The following GNB5 variants were observed in gnomAD, a reference collection of about 807,000 sequenced individuals.
GNB5 encodes the protein guanine nucleotide-binding protein subunit beta-5.
GNB5 carries 37 observed loss-of-function variants against 55.3 expected under a neutral mutation model. That is an observed-to-expected ratio of 0.67 (90% CI 0.51 to 0.88). The LOEUF is 0.88. GNB5 is among the 40% of genes least tolerant of loss of function. The probability of loss-of-function intolerance (pLI) is 0.00; values close to 1 mark genes in which losing one functional copy is unlikely to be tolerated. For missense variants in GNB5, 476 were observed against 515.3 expected (o/e 0.92, Z 0.74); for synonymous variants, 219 against 198.5 (o/e 1.10, Z -0.87).
At chr15:52,146,140 G>A (rs575025230) in intron 6 of GNB5, among the ~76,000 whole-genome samples, 2 of 151,718 alleles carry the variant, frequency 1.3e-5, no homozygotes, top group African/African-American at 2.4e-5. Context: ...TTTATTTTTA[G>A]TAGAGACGGG....
chr15:52,180,937 A>T (rs943681076), intron 2 of GNB5: 2 of 152,292 alleles, frequency 1.3e-5, no homozygotes, highest in Non-Finnish European at 2.9e-5. Flanking sequence ...AGGGAGAGAC[A>T]GGATTTGGAC....
At chr15:52,188,637 A>T (rs1232881695) in intron 1 of GNB5, among the ~76,000 whole-genome samples, 2 of 152,242 alleles carry the variant, frequency 1.3e-5, no homozygotes, top group African/African-American at 4.8e-5. Flanking sequence ...AAAGACAGAA[A>T]TGCCCCATTT....
intron 4 of GNB5, among the ~76,000 whole-genome samples, chr15:52,153,234 T>C (rs2034138200): frequency 6.6e-6 from 1 of 152,210 alleles, no homozygotes; most frequent in South Asian, 2.1e-4. Flanking sequence ...TACCATGTTG[T>C]GAGCAGGTCC....
chr15:52,126,483 G>A (rs962038457), intron 10 of GNB5, among the ~76,000 whole-genome samples: 1 of 152,148 alleles, frequency 6.6e-6, no homozygotes, highest in African/African-American at 2.4e-5. Context: ...ATCTGAATGG[G>A]TTGGATGTTT....
At chr15:52,147,582 CTTTT>C (rs751616514) in intron 5 of GNB5, 47 bp from the exon 6 acceptor site, 1 of 804,706 alleles carries the variant, frequency 1.2e-6, no homozygotes, top group Non-Finnish European at 1.9e-6. Flanking sequence ...ACACAAAAAT[CTTTT>C]TTTTTTTTCT....
intron 3 of GNB5, among the ~76,000 whole-genome samples, chr15:52,179,457 C>A (rs946546690): frequency 2.0e-5 from 3 of 151,892 alleles, no homozygotes; most frequent in African/African-American, 7.3e-5. Flanking sequence ...ATGGGAGGGG[C>A]AAGAACGCGA....
chr15:52,142,662 C>G (rs998093738), intron 6 of GNB5, among the ~76,000 whole-genome samples: 2 of 152,054 alleles, frequency 1.3e-5, no homozygotes, highest in Non-Finnish European at 2.9e-5. Context: ...CTTTTCCTCC[C>G]AAAGACCTAA....
chr15:52,117,633 A>C lies in GNB5; in HGVS notation c.*5124T>G, dbSNP rs1308372430. The stretch of plus-strand genomic sequence containing the variant: ...CAACCCTGAAGGCCAGCCTGGCTCC[A>C]GCCAAGTGCTGTCTAGAAGCAGGAG... On this transcript the variant is annotated 3_prime_UTR_variant, in exon 13 of 13. Transcript: ENST00000261837. 1 of 152,328 alleles carries C rather than the reference A, an allele frequency of 6.6e-6. No individual in the cohort carries two copies. The highest frequency in any genetic ancestry group is 1.5e-5 in the Non-Finnish European group (1 of 68,112). The allele number at this position is 152,328 out of a possible 1,614,324, so 9.4% of individuals were successfully genotyped here.
At chr15:52,179,501 A>G (rs1210386954) in intron 3 of GNB5, among the ~76,000 whole-genome samples, 9 of 151,780 alleles carry the variant, frequency 5.9e-5, no homozygotes, top group Non-Finnish European at 1.2e-4. Flanking sequence ...TGATGAGGAT[A>G]GCTAGTCCCG....
chr15:52,175,993 G>A (rs956404932), intron 3 of GNB5, among the ~76,000 whole-genome samples: 2 of 152,070 alleles, frequency 1.3e-5, no homozygotes, highest in African/African-American at 4.8e-5. Flanking sequence ...AGGTTGTAGC[G>A]AGCTGAGATC....
intron 3 of GNB5, among the ~76,000 whole-genome samples, chr15:52,154,871 C>A (rs1277146665): frequency 6.6e-6 from 1 of 152,224 alleles, no homozygotes; most frequent in East Asian, 1.9e-4. Context: ...GAAAGGAGAT[C>A]CAAAAGTCAA....
intron 3 of GNB5, among the ~76,000 whole-genome samples, chr15:52,159,211 T>C (rs1480337570): frequency 6.6e-6 from 1 of 152,148 alleles, no homozygotes; most frequent in Non-Finnish European, 1.5e-5. Flanking sequence ...AGAGCTCATT[T>C]ATCCCACCGT....
intron 12 of GNB5, among the ~76,000 whole-genome samples, chr15:52,124,033 A>G (rs996139197): frequency 2.6e-5 from 4 of 151,250 alleles, no homozygotes; most frequent in African/African-American, 7.3e-5. Context: ...AAAAAGGAAG[A>G]AAAAAGTAAT....
chr15:52,135,658 G>A lies in GNB5; in HGVS notation c.726C>T (p.Cys242=). 1.2e-6 allele frequency: 2 copies of A among 1,613,744 alleles called. No individual in the cohort carries two copies. Among genetic ancestry groups the A allele is most frequent in the Non-Finnish European group, 8.5e-7 (1 of 1,179,842 alleles). The part of the protein sequence containing the change: ...SFHGHGADVL[C]LDLAPSETGN... ...CAGTTTCTGAGGGGGCCAGGTCCAA[G>A]CAGAGGACGTCAGCCCCATGTCCGT... Residue 242 remains cysteine, a synonymous_variant, in exon 8 of 13, where the codon TGC becomes TGT. Coordinates refer to ENST00000261837, the MANE Select transcript of GNB5 (RefSeq NM_016194.4).
chr15:52,180,785 ACT>A (rs1356363188), intron 2 of GNB5: 1 of 152,262 alleles, frequency 6.6e-6, no homozygotes, highest in Non-Finnish European at 1.5e-5. Flanking sequence ...TGTGAGAGGC[ACT>A]GTTCTAAGTG....
intron 6 of GNB5, among the ~76,000 whole-genome samples, chr15:52,142,800 C>A (rs187212424): frequency 4.3e-4 from 65 of 150,434 alleles, no homozygotes; most frequent in Admixed American, 1.4e-3. Context: ...TTGGGAGGTA[C>A]ACAGGTGTAT....
At position 52,126,856 on chromosome 15, in the gene GNB5, G is replaced by T. The variant is rs530447324; in HGVS notation, c.913-812C>A. On this transcript the variant is annotated intron_variant, in intron 10 of 12. Transcript: ENST00000261837. ...GTCACCCAGGCTGGAGTGCAATGGC[G>T]CTATCTTGGCTCACTGCAACCTCTG... is the stretch of plus-strand genomic sequence containing the variant. Among the ~76,000 whole-genome samples, 4 of 152,224 alleles carry T rather than the reference G, an allele frequency of 2.6e-5. No homozygotes were observed. In the South Asian group the frequency reaches 8.3e-4, roughly 32 times the overall value.
intron 7 of GNB5, chr15:52,137,162 G>A: frequency 1.1e-6 from 1 of 919,188 alleles, no homozygotes; most frequent in Non-Finnish European, 1.4e-6. Context: ...CCAAGTGGAG[G>A]TTCTCCCTTA....
intron 1 of GNB5, among the ~76,000 whole-genome samples, chr15:52,188,166 C>T (rs1010811511): frequency 1.3e-5 from 2 of 152,192 alleles, no homozygotes; most frequent in African/African-American, 2.4e-5. Flanking sequence ...TTCATCTTCA[C>T]GTCATTGCAT....
Sources: gnomAD v4.1 joint callset for allele counts (sites outside exome capture counted in the v4.1 genomes callset) on GRCh38, gnomAD v4.1.1 for gene constraint, MANE v1.5 for transcripts, NCBI Gene and HGNC (gene_info 2026-07-23, HGNC 2026-07-21) for gene names.